The following UNC80 variants were observed in gnomAD, a reference collection of about 807,000 sequenced individuals.
UNC80 encodes unc-80 subunit of NALCN channel complex, also known as protein unc-80 homolog.
UNC80 carries 164 observed loss-of-function variants against 384.6 expected under a neutral mutation model. The ratio of observed to expected loss-of-function variants is 0.43; its 90% CI spans 0.38 to 0.49. UNC80 has a LOEUF of 0.49. Among genes scored for constraint, UNC80 ranks in the 20% least tolerant of loss-of-function variants. The pLI is 0.00. For missense variants in UNC80, 3,330 were observed against 4,143.0 expected, an observed-to-expected ratio of 0.80 and a Z score of 5.39; for synonymous variants, 1,486 against 1,527.8, an observed-to-expected ratio of 0.97 and a Z score of 0.64.
chr2:209,801,519 A>G (rs943998981), intron 7 of UNC80, among the ~76,000 whole-genome samples: 3 of 149,920 alleles, frequency 2.0e-5, no homozygotes, highest in African/African-American at 7.4e-5. Context: ...AGTAGCTGGG[A>G]TTACAGGTGC....
At position 209,979,833 on chromosome 2, in the gene UNC80, A is replaced by G. The variant is rs530826918; in HGVS notation, c.9118+1125A>G. On this transcript the variant is annotated intron_variant, in intron 59 of 64. Coordinates refer to ENST00000673920, the MANE Select transcript of UNC80 (RefSeq NM_001371986.1). ...AGATCTTCACTCAGAGGCTCTCCAT[A>G]CCAAACAACAACAAAAAGCTCTACT... is the stretch of plus-strand genomic sequence containing the variant. Among the ~76,000 whole-genome samples the G allele has an allele frequency of 7.9e-5, 12 of 152,356 alleles. No individual in the cohort carries two copies. The South Asian group carries it at 2.5e-3, about 32-fold the overall frequency.
Position 209,829,268 on chromosome 2 carries a change from A to G in UNC80, c.2515A>G (p.Lys839Glu). The G allele has an allele frequency of 1.3e-6, 2 of 1,551,452 alleles. No individual in the cohort carries two copies. Among genetic ancestry groups the G allele is most frequent in the Non-Finnish European group, 8.7e-7 (1 of 1,146,794 alleles). Residue 839 changes from lysine (K) to glutamate (E), a missense_variant, in exon 15 of 65, where the codon AAG (lysine) becomes GAG (glutamate). Lys to Glu is a moderately conservative substitution (Grantham distance 56). Around this residue, in one of 8 missense-constraint regions of UNC80, gnomAD observed 937 missense variants for 1,026.8 expected, o/e 0.91. Transcript: ENST00000673920. ...CCTCACTAAGCTATACAAGCTAGAT[A>G]AGATGCAGTTCCGACAAACCATGAG... ...NCLTKLYKLDKMQFRQTMRDY... is the reference protein window; with the variant it reads ...NCLTKLYKLDEMQFRQTMRDY...
In UNC80 at chr2:209,936,834, A is replaced by AT; in HGVS notation, c.6274-8dup. On this transcript the variant is annotated splice_polypyrimidine_tract_variant and intron_variant, in intron 40 of 64. Coordinates refer to ENST00000673920, the MANE Select transcript of UNC80 (RefSeq NM_001371986.1). ...TAAACATTTATTAAAATTTGTTGCT[A>AT]TTGTTCTAGGAGTGTCTGGAGTTTT... 6.6e-7 allele frequency: 1 copy of AT among 1,524,982 alleles called. No individual in the cohort carries two copies. Among genetic ancestry groups the AT allele is most frequent in the South Asian group, 1.2e-5 (1 of 83,420 alleles). 94.5% of individuals were successfully genotyped at this position (1,524,982 alleles called of 1,614,324 possible).
chr2:209,782,839 T>C (rs1206064497), intron 4 of UNC80, among the ~76,000 whole-genome samples: 1 of 152,130 alleles, frequency 6.6e-6, no homozygotes, highest in African/African-American at 2.4e-5. Context: ...AAATGACGAA[T>C]ATTTGTTAAA....
intron 42 of UNC80, 70 bp from the exon 43 acceptor site, chr2:209,939,402 G>GT (rs1301381903): frequency 2.8e-6 from 4 of 1,407,588 alleles, no homozygotes; most frequent in Admixed American, 2.7e-5. Context: ...TTTTCCTTTA[G>GT]TTTTTTCAGT....
chr2:209,926,293 A>G (rs187838743), intron 35 of UNC80, among the ~76,000 whole-genome samples: 40 of 152,334 alleles, frequency 2.6e-4, no homozygotes, highest in African/African-American at 9.6e-4. Flanking sequence ...TTGTCCCAGA[A>G]TGTCTGTGCT....
Position 209,817,117 on chromosome 2 carries a change from C to A in UNC80, c.1544C>A (p.Thr515Asn), listed in dbSNP as rs923794332. 1.3e-5 allele frequency: 20 copies of A among 1,551,470 alleles called. No homozygotes were observed. The highest frequency in any genetic ancestry group is 1.7e-5 in the Non-Finnish European group (20 of 1,146,994). The stretch of plus-strand genomic sequence containing the variant: ...ATTGAGAAAGGAGGCTGGCAAACCA[C>A]CATTTTAGGTGACCACAAGGCCTTC... ...RGIEKGGWQT[T>N]ILGKLTRRGS... The change falls in exon 10 of 65, where the codon ACC (threonine) becomes AAC (asparagine). Residue 515 changes from threonine (T) to asparagine (N), a missense_variant. Around this residue, in one of 8 missense-constraint regions of UNC80, gnomAD observed 937 missense variants for 1,026.8 expected, o/e 0.91. Transcript: ENST00000673920.
At position 209,945,071 on chromosome 2, in the gene UNC80, CA is replaced by C; in HGVS notation, c.7072del (p.Ser2358AlafsTer16). 1.3e-6 allele frequency: 2 copies of C among 1,551,252 alleles called. No individual in the cohort carries two copies. The highest frequency in any genetic ancestry group is 1.7e-6 in the Non-Finnish European group (2 of 1,146,742). Reference sequence around the variant, plus strand: ...ATCAGGATGCTGCCAATAATGGGCCCAGCAAAGGTGTGTCAGCTCAGTGCCT... The same window carrying C: ...ATCAGGATGCTGCCAATAATGGGCCCGCAAAGGTGTGTCAGCTCAGTGCCT... ...EFPDAANNGP[S>X]KGVSAQCLFD... is the part of the protein sequence containing the mutation. On this transcript the variant is annotated frameshift_variant, in exon 46 of 65. Transcript: ENST00000673920. LOFTEE classifies it high-confidence loss of function.
chr2:209,829,127 G>T, intron 14 of UNC80, 105 bp from the exon 15 acceptor site: 1 of 1,369,632 alleles, frequency 7.3e-7, no homozygotes, highest in Non-Finnish European at 9.9e-7. Context: ...AGCGAGTGGG[G>T]ATGGTTGGAA....
intron 27 of UNC80, 128 bp downstream of exon 27, chr2:209,894,494 T>C (rs1003645265): frequency 8.0e-5 from 34 of 424,052 alleles, no homozygotes; most frequent in Non-Finnish European, 1.0e-4. Context: ...ATAGACAACC[T>C]GTTCAGCCTG....
At position 209,921,683 on chromosome 2, in the gene UNC80, G is replaced by A. The variant is rs1429313281; in HGVS notation, c.5527G>A (p.Glu1843Lys). 6.5e-7 allele frequency: 1 copy of A among 1,549,606 alleles called. No individual in the cohort carries two copies. The highest frequency in any genetic ancestry group is 2.4e-5 in the East Asian group (1 of 40,912). The change falls in exon 34 of 65, where the codon GAA (glutamate) becomes AAA (lysine). Residue 1843 changes from glutamate to lysine, a missense_variant. Physicochemically the swap from Glu to Lys is moderately conservative, Grantham distance 56. Coordinates refer to ENST00000673920, the MANE Select transcript of UNC80 (RefSeq NM_001371986.1). ...CACGCCCAACTCAGAACCGGAAGAA[G>A]AAGGTGCCCTCTGCACACAGGACTT... Reference protein sequence around the residue: ...TCTPNSEPEEEVEEVTNLASR... With the variant: ...TCTPNSEPEEKVEEVTNLASR...
intron 7 of UNC80, among the ~76,000 whole-genome samples, chr2:209,810,538 G>C (rs549261078): frequency 6.6e-6 from 1 of 152,246 alleles, no homozygotes; most frequent in African/African-American, 2.4e-5. Flanking sequence ...TGGTGCCTGC[G>C]TTTTTAACAA....
In UNC80 at chr2:209,817,846, C is replaced by T. The variant is rs1181196831; in HGVS notation, c.1587C>T (p.Ala529=). ...CCCGGCGAGGCAGTTCAGATGCAGC[C>T]ACTGAGATGGAGAGTCTGAGCGCCA... ...KLTRRGSSDA[A]TEMESLSARH... is the part of the protein sequence containing the mutation. Residue 529 remains alanine, a synonymous_variant, in exon 11 of 65, where the codon GCC becomes GCT. Coordinates refer to ENST00000673920, the MANE Select transcript of UNC80 (RefSeq NM_001371986.1). The T allele has an allele frequency of 6.4e-7, 1 of 1,551,638 alleles. No homozygotes were observed. The highest frequency in any genetic ancestry group is 8.7e-7 in the Non-Finnish European group (1 of 1,146,982).
intron 52 of UNC80, chr2:209,968,580 T>G (rs1435727211): frequency 6.6e-6 from 1 of 152,200 alleles, no homozygotes; most frequent in African/African-American, 2.4e-5. Context: ...TGGTGATGAC[T>G]ACCTATACAT....
At chr2:209,924,931 G>A (rs1356031247) in intron 35 of UNC80, among the ~76,000 whole-genome samples, 1 of 151,952 alleles carries the variant, frequency 6.6e-6, no homozygotes, top group South Asian at 2.1e-4. Flanking sequence ...CTTTTAGGGG[G>A]CTCCAAAACT....
chr2:209,986,771 C>T (rs1203274533), intron 61 of UNC80, among the ~76,000 whole-genome samples: 8 of 152,188 alleles, frequency 5.3e-5, no homozygotes, highest in Non-Finnish European at 1.0e-4. Context: ...CAACCAGTAG[C>T]ACATCCACCT....
rs1474918755 is a variant in UNC80 at position 209,999,068 on chromosome 2, G to T, written c.*3473G>T. The T allele has an allele frequency of 6.6e-6, 1 of 152,104 alleles. No individual in the cohort carries two copies. The highest frequency in any genetic ancestry group is 6.5e-5 in the Admixed American group (1 of 15,276). The allele number at this position is 152,104 out of a possible 1,614,324, so 9.4% of individuals were successfully genotyped here. On this transcript the variant is annotated 3_prime_UTR_variant, in exon 65 of 65. Transcript: ENST00000673920. ...CTTTGAATTGTCACTGTGACCACAG[G>T]ATGAAAATCCTTTATTAGCCATTTT...
At chr2:209,860,636 G>A (rs1474065725) in intron 22 of UNC80, among the ~76,000 whole-genome samples, 1 of 152,102 alleles carries the variant, frequency 6.6e-6, no homozygotes, top group Non-Finnish European at 1.5e-5. Context: ...AATTACTTTG[G>A]GCAGTATGGC....
chr2:209,947,197 T>A (rs919322067), intron 47 of UNC80, among the ~76,000 whole-genome samples: 4 of 152,190 alleles, frequency 2.6e-5, no homozygotes, highest in Non-Finnish European at 5.9e-5. Flanking sequence ...TTAAGTTAAC[T>A]CCAAATCCAT....
Sources: gnomAD v4.1 joint callset for allele counts (sites outside exome capture counted in the v4.1 genomes callset) on GRCh38, gnomAD v4.1.1 for gene constraint, gnomAD v4.1.1 regional missense constraint, MANE v1.5 for transcripts, NCBI Gene and HGNC (gene_info 2026-07-23, HGNC 2026-07-21) for gene names.